Variants in FBXL17 observed in about 807,000 individuals in gnomAD.
FBXL17 encodes the protein F-box and leucine rich repeat protein 17.
In FBXL17, 22 loss-of-function variants were observed where a neutral mutation model predicts 66.2. The observed-to-expected ratio is 0.33, with a 90% confidence interval of 0.24 to 0.47. The LOEUF (loss-of-function observed/expected upper bound fraction) is 0.47. Among genes scored for constraint, FBXL17 ranks in the 20% least tolerant of loss-of-function variants. The pLI is 1.00. For missense variants in FBXL17, 878 were observed against 948.2 expected, an observed-to-expected ratio of 0.93 and a Z score of 0.97; for synonymous variants, 474 against 400.5, an observed-to-expected ratio of 1.18 and a Z score of -2.19.
chr5:108,275,133 A>G lies in FBXL17; in HGVS notation c.1507-50905T>C, dbSNP rs182541651. Among the ~76,000 whole-genome samples the G allele has an allele frequency of 1.2e-4, 18 of 152,350 alleles. No homozygotes were observed. The East Asian group carries it at 3.5e-3, about 29-fold the overall frequency. On this transcript the variant is annotated intron_variant, in intron 4 of 8. Transcript: ENST00000542267. ...TTAATCTCACTTAATGACCTATAAG[A>G]TTACTTATAATGAATGCTGAATAAA... is the stretch of plus-strand genomic sequence containing the variant.
At chr5:108,221,703 T>C (rs1754873610) in intron 5 of FBXL17, among the ~76,000 whole-genome samples, 1 of 152,238 alleles carries the variant, frequency 6.6e-6, no homozygotes, top group Admixed American at 6.5e-5. Context: ...GGTGTTTATA[T>C]GATTACAAAC....
chr5:107,943,840 CT>C (rs2112594031), intron 7 of FBXL17, among the ~76,000 whole-genome samples: 1 of 152,278 alleles, frequency 6.6e-6, no homozygotes, highest in African/African-American at 2.4e-5. Context: ...CAGGATGATT[CT>C]GATCAAAAAT....
chr5:107,958,451 A>C (rs970492250), intron 7 of FBXL17, among the ~76,000 whole-genome samples: 9 of 152,208 alleles, frequency 5.9e-5, no homozygotes, highest in Admixed American at 3.9e-4. Flanking sequence ...TCAACATCTC[A>C]TATAGTTTTT....
At chr5:108,371,984 G>C (rs1749069451) in intron 1 of FBXL17, among the ~76,000 whole-genome samples, 1 of 152,122 alleles carries the variant, frequency 6.6e-6, no homozygotes, top group African/African-American at 2.4e-5. Flanking sequence ...AGACAGGTAA[G>C]CCTGCTCTCC....
chr5:107,953,310 G>T (rs1380439569), intron 7 of FBXL17, among the ~76,000 whole-genome samples: 1 of 150,966 alleles, frequency 6.6e-6, no homozygotes, highest in African/African-American at 2.4e-5. Flanking sequence ...GGCTGAGGCA[G>T]GAGAATGGCG....
intron 6 of FBXL17, among the ~76,000 whole-genome samples, chr5:108,072,656 C>CG (rs1243665947): frequency 6.6e-6 from 1 of 152,062 alleles, no homozygotes; most frequent in Non-Finnish European, 1.5e-5. Flanking sequence ...TACAGTGAGC[C>CG]GAGATTGCGC....
At chr5:108,317,275 C>T (rs1369472367) in intron 4 of FBXL17, among the ~76,000 whole-genome samples, 2 of 150,784 alleles carry the variant, frequency 1.3e-5, no homozygotes, top group South Asian at 4.2e-4. Context: ...TAATTTCTAA[C>T]ATAAAGAACA....
At chr5:107,961,845 T>C (rs1245292974) in intron 7 of FBXL17, among the ~76,000 whole-genome samples, 1 of 152,154 alleles carries the variant, frequency 6.6e-6, no homozygotes, top group African/African-American at 2.4e-5. Flanking sequence ...AGGGTCTATG[T>C]CTGTGCAGAT....
chr5:108,324,881 GA>G (rs762091402), intron 4 of FBXL17, among the ~76,000 whole-genome samples: 5 of 152,072 alleles, frequency 3.3e-5, no homozygotes, highest in African/African-American at 2.4e-5. Flanking sequence ...AGCCAGTCAT[GA>G]AAAGGCAATG....
At chr5:108,279,078 G>A (rs1757599643) in intron 4 of FBXL17, among the ~76,000 whole-genome samples, 1 of 152,114 alleles carries the variant, frequency 6.6e-6, no homozygotes, top group Non-Finnish European at 1.5e-5. Context: ...TTCAACCACT[G>A]CCAACACAAG....
At chr5:107,973,467 T>C (rs1268575300) in intron 7 of FBXL17, among the ~76,000 whole-genome samples, 1 of 151,176 alleles carries the variant, frequency 6.6e-6, no homozygotes, top group Non-Finnish European at 1.5e-5. Flanking sequence ...AGCCAAAAGA[T>C]TGGACACCCC....
At chr5:108,022,549 C>T (rs541630641) in intron 6 of FBXL17, among the ~76,000 whole-genome samples, 79 of 152,058 alleles carry the variant, frequency 5.2e-4, no homozygotes, top group Non-Finnish European at 9.7e-4. Flanking sequence ...TCTTCCATTG[C>T]CTACCAAAAA....
At chr5:108,078,824 T>G (rs1748651836) in intron 6 of FBXL17, among the ~76,000 whole-genome samples, 1 of 152,226 alleles carries the variant, frequency 6.6e-6, no homozygotes, top group Non-Finnish European at 1.5e-5. Context: ...TATAAGCTTC[T>G]GTACTCCACT....
At chr5:108,199,185 A>C (rs2966821) in intron 5 of FBXL17, among the ~76,000 whole-genome samples, 118,241 of 151,980 alleles carry the variant, frequency 0.78, 46,707 homozygotes, top group East Asian at 0.93. Context: ...GTCACTTATA[A>C]CTTCTCACAC....
intron 6 of FBXL17, among the ~76,000 whole-genome samples, chr5:108,133,223 C>T (rs1202668094): frequency 6.6e-6 from 1 of 151,986 alleles, no homozygotes; most frequent in Non-Finnish European, 1.5e-5. Flanking sequence ...TCCCATAAAC[C>T]ACCTCCTCTT....
Position 108,381,623 on chromosome 5 carries a change from C to G in FBXL17, c.69G>C (p.Trp23Cys). Residue 23 changes from tryptophan to cysteine, a missense_variant, in exon 1 of 9, where the codon TGG (tryptophan) becomes TGC (cysteine). By Grantham distance (215) the Trp-to-Cys change is radical. Coordinates refer to ENST00000542267, the MANE Select transcript of FBXL17 (RefSeq NM_001163315.3). ...PSQKRPRCCSWCRRRRPLLRL... is the reference protein window; with the variant it reads ...PSQKRPRCCSCCRRRRPLLRL... ...TGAGGAGAGGGCGCCGGCGGCGGCACCAACTGCAACAGCGAGGCCTCTTCT... is the reference window on the plus strand; with the variant it reads ...TGAGGAGAGGGCGCCGGCGGCGGCAGCAACTGCAACAGCGAGGCCTCTTCT... The G allele has an allele frequency of 6.7e-7, 1 of 1,493,190 alleles. No homozygotes were observed. Among genetic ancestry groups the G allele is most frequent in the Non-Finnish European group, 8.9e-7 (1 of 1,126,260 alleles). The allele number at this position is 1,493,190 out of a possible 1,614,324, so 92.5% of individuals were successfully genotyped here. A position where few individuals can be genotyped will look rare whatever the true frequency, so the allele number is the denominator to read the frequency against.
chr5:108,298,281 A>G (rs1215484871), intron 4 of FBXL17: 2 of 984,760 alleles, frequency 2.0e-6, no homozygotes, highest in Non-Finnish European at 2.4e-6. Context: ...TGAACAAGAC[A>G]CACAGAATTT....
chr5:107,967,500 G>T (rs1752194648), intron 7 of FBXL17, among the ~76,000 whole-genome samples: 1 of 133,724 alleles, frequency 7.5e-6, no homozygotes, highest in South Asian at 2.7e-4. Context: ...TTGGATACAG[G>T]AAGGGGAACA....
At chr5:107,980,665 T>TATATATATATA in intron 7 of FBXL17, among the ~76,000 whole-genome samples, 11 of 79,046 alleles carry the variant, frequency 1.4e-4, no homozygotes, top group East Asian at 9.8e-4. Context: ...TATATATATA[T>TATATATATATA]TTTTTTTTTG....
Sources: allele counts gnomAD v4.1 joint callset (sites outside exome capture counted in the v4.1 genomes callset), GRCh38; gene constraint gnomAD v4.1.1; transcripts MANE v1.5; gene names NCBI Gene and HGNC (gene_info 2026-07-23, HGNC 2026-07-21).